Variants in DAXX observed in about 807,000 individuals in gnomAD.
DAXX encodes death domain-associated protein 6.
DAXX carries 24 observed loss-of-function variants against 61.9 expected under a neutral mutation model. The ratio of observed to expected loss-of-function variants is 0.39; its 90% CI spans 0.28 to 0.55. The LOEUF is 0.55. Ranked by LOEUF, DAXX falls within the 20% of genes least tolerant of loss-of-function variation. The probability of loss-of-function intolerance (pLI) is 0.69; values close to 1 mark genes in which losing one functional copy is unlikely to be tolerated. For missense variants in DAXX, 819 were observed against 935.3 expected (o/e 0.88, Z 1.62); for synonymous variants, 357 against 369.5 (o/e 0.97, Z 0.39).
intron 1 of DAXX, chr6:33,322,643 G>C (rs1770770208): frequency 3.0e-6 from 1 of 335,004 alleles, no homozygotes; most frequent in Non-Finnish European, 5.8e-6. Context: ...CTACGCTCTC[G>C]CGATTCCTCT....
intron 1 of DAXX, 60 bp downstream of exon 1, chr6:33,322,802 A>G: frequency 1.4e-6 from 1 of 692,704 alleles, no homozygotes; most frequent in Non-Finnish European, 2.3e-6. Context: ...AGCTCTCCCC[A>G]ATACCTCTCC....
chr6:33,322,829 C>T (rs1770798580), intron 1 of DAXX, 33 bp downstream of exon 1: 6 of 1,159,366 alleles, frequency 5.2e-6, no homozygotes, highest in South Asian at 3.6e-5. Flanking sequence ...ATCCCCGCCC[C>T]CGCCTCTGAT....
rs1461827957 is a variant in DAXX, at chr6:33,320,930, G to T, written c.845C>A (p.Thr282Asn). The T allele has an allele frequency of 1.9e-6, 3 of 1,614,176 alleles. No individual in the cohort carries two copies. The highest frequency in any genetic ancestry group is 1.7e-5 in the Admixed American group (1 of 60,020). ...AAGCACATCCCCATAGTCAGGGAAG[G>T]TATCAGGCCCTGGCTTGTTGATGAG... ...ERLINKPGPD[T>N]FPDYGDVLRA... Residue 282 changes from threonine to asparagine, a missense_variant, in exon 3 of 8, where the codon ACC becomes AAC. Coordinates refer to ENST00000374542, the MANE Select transcript of DAXX (RefSeq NM_001141969.2). The surrounding 1 kb of genome is among the most constrained non-coding windows in gnomAD (Gnocchi z 7.1).
chr6:33,318,838 C>G (rs2150986263), intron 7 of DAXX, 36 bp from the exon 8 acceptor site: 1 of 1,358,880 alleles, frequency 7.4e-7, no homozygotes, highest in Non-Finnish European at 1.0e-6. Context: ...TCAAAGAGAT[C>G]TGGAGTACAG....
In DAXX at chr6:33,321,705, C is replaced by A. The variant is rs1313846455; in HGVS notation, c.207+14G>T. 6.2e-7 allele frequency: 1 copy of A among 1,612,410 alleles called. No homozygotes were observed. The highest frequency in any genetic ancestry group is 8.5e-7 in the Non-Finnish European group (1 of 1,179,642). ...CCTCCCTGGGGTACAACAATCTTCC[C>A]CGCTAAAGCTCACCTCTTCGAACAG... On this transcript the variant is annotated intron_variant, in intron 2 of 7. Coordinates refer to ENST00000374542, the MANE Select transcript of DAXX (RefSeq NM_001141969.2). This position sits in a 1 kb window ranked among gnomAD's most constrained non-coding sequence, Gnocchi z 7.2.
Position 33,320,060 on chromosome 6 carries a change from C to T in DAXX, c.1416G>A (p.Glu472=). The change falls in exon 5 of 8, where the codon GAG becomes GAA. Residue 472 remains glutamate (E), a synonymous_variant. Coordinates refer to ENST00000374542, the MANE Select transcript of DAXX (RefSeq NM_001141969.2). This position sits in a 1 kb window ranked among gnomAD's most constrained non-coding sequence, Gnocchi z 7.1. ...CCTCCTCTTCATCATCCTCCTGACC[C>T]TCCTGCATCTGTTCCAGATCCTCCT... is the stretch of plus-strand genomic sequence containing the variant. The part of the protein sequence containing the change: ...EEEEDLEQMQ[E]GQEDDEEEDE... The T allele has an allele frequency of 6.2e-7, 1 of 1,613,514 alleles. No homozygotes were observed. The highest frequency in any genetic ancestry group is 1.1e-5 in the South Asian group (1 of 91,026).
At position 33,319,746 on chromosome 6, in the gene DAXX, C is replaced by T. The variant is rs1384326487; in HGVS notation, c.1574G>A (p.Gly525Glu). 3.1e-6 allele frequency: 5 copies of T among 1,614,180 alleles called. No homozygotes were observed. The highest frequency in any genetic ancestry group is 1.7e-5 in the Admixed American group (1 of 60,022). ...SRSSGEQQNK[G>E]RIVSPSLLSE... ...CAGTAACGATGGTGACACTATGCGT[C>T]CTTTGTTTTGCTGCTCCCCTGAAGA... Residue 525 changes from glycine to glutamate, a missense_variant, in exon 6 of 8, where the codon GGA becomes GAA. Coordinates refer to ENST00000374542, the MANE Select transcript of DAXX (RefSeq NM_001141969.2).
In DAXX at chr6:33,319,792, G is replaced by A. The variant is rs766292072; in HGVS notation, c.1528C>T (p.Pro510Ser). 2 of 1,614,156 alleles carry A rather than the reference G, an allele frequency of 1.2e-6. No individual in the cohort carries two copies. Among genetic ancestry groups the A allele is most frequent in the Non-Finnish European group, 8.5e-7 (1 of 1,180,020 alleles). ...LQISNEKNLE[P>S]GKQISRSSGE... is the part of the protein sequence containing the mutation. ...GAAGATCTGCTGATCTGTTTGCCAGGTTCCAGGTTCTTTTCATTGGAGATC... is the reference window on the plus strand; with the variant it reads ...GAAGATCTGCTGATCTGTTTGCCAGATTCCAGGTTCTTTTCATTGGAGATC... The change falls in exon 6 of 8, where the codon CCT becomes TCT. Residue 510 changes from proline (P) to serine (S), a missense_variant. Physicochemically the swap from Pro to Ser is moderately conservative, Grantham distance 74. Coordinates refer to ENST00000374542, the MANE Select transcript of DAXX (RefSeq NM_001141969.2).
chr6:33,321,633 G>A lies in DAXX; in HGVS notation c.208-66C>T. On this transcript the variant is annotated intron_variant, in intron 2 of 7. Coordinates refer to ENST00000374542, the MANE Select transcript of DAXX (RefSeq NM_001141969.2). This position sits in a 1 kb window ranked among gnomAD's most constrained non-coding sequence, Gnocchi z 7.2. ...GGGAGGGGGTTGAGAGAAAGGGGAG[G>A]TGGGGTTAGTGGGAAAGAAAGGACA... 6.3e-7 allele frequency: 1 copy of A among 1,597,374 alleles called. No homozygotes were observed.
intron 5 of DAXX, 69 bp from the exon 6 acceptor site, chr6:33,319,923 T>G (rs562744463): frequency 6.2e-7 from 1 of 1,600,350 alleles, no homozygotes; most frequent in African/African-American, 1.3e-5. Context: ...GAGAGGACAC[T>G]AGGAGGAGGA....
chr6:33,320,797 C>T lies in DAXX; in HGVS notation c.978G>A (p.Glu326=), dbSNP rs780031532. 20 of 1,614,190 alleles carry T rather than the reference C, an allele frequency of 1.2e-5. No individual in the cohort carries two copies. Among genetic ancestry groups the T allele is most frequent in the Non-Finnish European group, 1.7e-5 (20 of 1,180,040 alleles). ...AFRDVGIRLQ[E]RRHLDLIYNF... ...TGTAGATGAGATCGAGGTGACGTCG[C>T]TCCTGTAACCTGATGCCCACATCTC... The change falls in exon 3 of 8, where the codon GAG becomes GAA. Residue 326 remains glutamate (E), a synonymous_variant. Coordinates refer to ENST00000374542, the MANE Select transcript of DAXX (RefSeq NM_001141969.2). This position sits in a 1 kb window ranked among gnomAD's most constrained non-coding sequence, Gnocchi z 7.1.
rs1169312767 is a variant in DAXX at position 33,321,696 on chromosome 6, C to T, written c.207+23G>A. 1 of 1,611,366 alleles carries T rather than the reference C, an allele frequency of 6.2e-7. No individual in the cohort carries two copies. On this transcript the variant is annotated intron_variant, in intron 2 of 7. Coordinates refer to ENST00000374542, the MANE Select transcript of DAXX (RefSeq NM_001141969.2). This position sits in a 1 kb window ranked among gnomAD's most constrained non-coding sequence, Gnocchi z 7.2. ...AGCCATCCCCCTCCCTGGGGTACAA[C>T]AATCTTCCCCGCTAAAGCTCACCTC...
intron 1 of DAXX, 169 bp from the exon 2 acceptor site, chr6:33,322,146 A>C: frequency 6.4e-5 from 25 of 388,092 alleles, no homozygotes; most frequent in East Asian, 1.2e-4. Flanking sequence ...GGGGCCCTTC[A>C]AGTGGTGTGG....
In DAXX at chr6:33,320,645, G is replaced by GT; in HGVS notation, c.1040-55dup. The GT allele has an allele frequency of 6.2e-7, 1 of 1,604,768 alleles. No homozygotes were observed. The highest frequency in any genetic ancestry group is 2.2e-5 in the East Asian group (1 of 44,832). On this transcript the variant is annotated intron_variant, in intron 3 of 7. Transcript: ENST00000374542. The surrounding 1 kb of genome is among the most constrained non-coding windows in gnomAD (Gnocchi z 7.1). ...CTCAGCCCTTGAAGGGACTAGAAGA[G>GT]TAAAAACCCTAGAAAGGACTAGAGA...
In DAXX at chr6:33,322,870, C is replaced by T; in HGVS notation, c.-61G>A. 1.4e-6 allele frequency: 2 copies of T among 1,396,796 alleles called. No homozygotes were observed. The highest frequency in any genetic ancestry group is 1.9e-6 in the Non-Finnish European group (2 of 1,026,030). 86.5% of individuals were successfully genotyped at this position (1,396,796 alleles called of 1,614,324 possible). A position where few individuals can be genotyped will look rare whatever the true frequency, so the allele number is the denominator to read the frequency against. On this transcript the variant is annotated 5_prime_UTR_variant, in exon 1 of 8. Transcript: ENST00000374542. ...CACCGTCCGGCCCCCACCTCAGAAA[C>T]CGTCTCTCGAGGCGACCCTCGCCGC...
At position 33,321,058 on chromosome 6, in the gene DAXX, T is replaced by C. The variant is rs549668094; in HGVS notation, c.717A>G (p.Leu239=). The C allele has an allele frequency of 1.1e-5, 18 of 1,613,914 alleles. No individual in the cohort carries two copies. Among genetic ancestry groups the C allele is most frequent in the South Asian group, 3.3e-5 (3 of 91,078 alleles). Reference sequence around the variant, plus strand: ...GTGAAGAGCAGTCTTTCAGCTCACATAGTCGCCCAAAGAGGCGGATCAGCT... The same window carrying C: ...GTGAAGAGCAGTCTTTCAGCTCACACAGTCGCCCAAAGAGGCGGATCAGCT... ...KRKLIRLFGR[L]CELKDCSSLT... is the part of the protein sequence containing the mutation. The change falls in exon 3 of 8, where the codon CTA becomes CTG. Residue 239 remains leucine, a synonymous_variant. Transcript: ENST00000374542. The surrounding 1 kb of genome is among the most constrained non-coding windows in gnomAD (Gnocchi z 7.2).
In DAXX at chr6:33,320,120, T is replaced by TTCC. The variant is rs762240849; in HGVS notation, c.1353_1355dup (p.Glu457dup). The TTCC allele has an allele frequency of 2.0e-5, 33 of 1,613,178 alleles. No individual in the cohort carries two copies. Among genetic ancestry groups the TTCC allele is most frequent in the Non-Finnish European group, 2.6e-5 (31 of 1,179,392 alleles). ...AATCTGTGGCCTCCTCCTCTTCTTC[T>TTCC]TCCTCCTCCTCCTCCTCTTCCTCAT... On this transcript the variant is annotated inframe_insertion, in exon 5 of 8. Transcript: ENST00000374542. This position sits in a 1 kb window ranked among gnomAD's most constrained non-coding sequence, Gnocchi z 7.1.
rs780728486 is a variant in DAXX, at chr6:33,319,019, G to A, written c.2141C>T (p.Pro714Leu). ...TACCTTGCAAGTACCAGGCCGAGGAGGCTGTGAATGGGGGGTTTGGGACAG... is the reference window on the plus strand; with the variant it reads ...TACCTTGCAAGTACCAGGCCGAGGAAGCTGTGAATGGGGGGTTTGGGACAG... Reference protein sequence around the residue: ...ARLSQTPHSQPPRPGTCKTSV... With the variant: ...ARLSQTPHSQLPRPGTCKTSV... The change falls in exon 7 of 8, where the codon CCT becomes CTT. Residue 714 changes from proline (P) to leucine (L), a missense_variant. Pro to Leu is a moderately conservative substitution (Grantham distance 98). Coordinates refer to ENST00000374542, the MANE Select transcript of DAXX (RefSeq NM_001141969.2). The A allele has an allele frequency of 6.2e-7, 1 of 1,613,526 alleles. No homozygotes were observed. Among genetic ancestry groups the A allele is most frequent in the Non-Finnish European group, 8.5e-7 (1 of 1,179,958 alleles).
Position 33,320,916 on chromosome 6 carries a change from C to T in DAXX, c.859G>A (p.Gly287Arg). ...TTCTCTACAGCCCGAAGCACATCCC[C>T]ATAGTCAGGGAAGGTATCAGGCCCT... ...KPGPDTFPDY[G>R]DVLRAVEKAA... The change falls in exon 3 of 8, where the codon GGG becomes AGG. Residue 287 changes from glycine to arginine, a missense_variant. Coordinates refer to ENST00000374542, the MANE Select transcript of DAXX (RefSeq NM_001141969.2). The surrounding 1 kb of genome is among the most constrained non-coding windows in gnomAD (Gnocchi z 7.1). 6.2e-7 allele frequency: 1 copy of T among 1,614,222 alleles called. No homozygotes were observed. Among genetic ancestry groups the T allele is most frequent in the South Asian group, 1.1e-5 (1 of 91,088 alleles).
Sources: gnomAD v4.1 joint callset for allele counts on GRCh38, gnomAD v4.1.1 for gene constraint, Gnocchi (gnomAD v3.1) non-coding constraint, MANE v1.5 for transcripts, NCBI Gene and HGNC (gene_info 2026-07-23, HGNC 2026-07-21) for gene names.